BBS9: variants seen among roughly 807,000 people sequenced by gnomAD.
BBS9 encodes the protein Bardet-Biedl syndrome 9.
A neutral mutation model predicts 117.7 loss-of-function variants in BBS9; 89 were observed. The ratio of observed to expected loss-of-function variants is 0.76; its 90% confidence interval spans 0.64 to 0.90. BBS9 has a LOEUF of 0.90. BBS9 is among the 40% of genes least tolerant of loss of function. The pLI, the probability that BBS9 is intolerant of heterozygous loss-of-function variation, is 0.00. For synonymous variants in BBS9, 379 were observed against 370.9 expected (o/e 1.02, Z -0.25); for missense variants, 982 against 1,042.2 (o/e 0.94, Z 0.80).
chr7:33,251,025 G>C (rs937978229), intron 5 of BBS9, among the ~76,000 whole-genome samples: 1 of 152,120 alleles, frequency 6.6e-6, no homozygotes, highest in African/African-American at 2.4e-5. Flanking sequence ...GGAAAGATGT[G>C]AGTCTTAGCT....
intron 17 of BBS9, among the ~76,000 whole-genome samples, chr7:33,373,937 T>C (rs1823327342): frequency 6.6e-6 from 1 of 152,162 alleles, no homozygotes; most frequent in Non-Finnish European, 1.5e-5. Flanking sequence ...ACAAAGTACC[T>C]GGAGAAAAAG....
At chr7:33,544,828 G>A (rs1853026490) in intron 21 of BBS9, among the ~76,000 whole-genome samples, 1 of 152,136 alleles carries the variant, frequency 6.6e-6, no homozygotes, top group African/African-American at 2.4e-5. Flanking sequence ...GGTGGGACTA[G>A]GTGTGTATGA....
intron 17 of BBS9, among the ~76,000 whole-genome samples, chr7:33,379,420 A>G (rs1824528964): frequency 6.6e-6 from 1 of 152,312 alleles, no homozygotes; most frequent in East Asian, 1.9e-4. Flanking sequence ...TATTTCATAT[A>G]TAAAGAATTT....
At chr7:33,339,955 G>T (rs979336788) in intron 10 of BBS9, among the ~76,000 whole-genome samples, 6 of 151,428 alleles carry the variant, frequency 4.0e-5, no homozygotes, top group Non-Finnish European at 5.9e-5. Flanking sequence ...TAAGTAGGTA[G>T]CCAATAGTTT....
intron 21 of BBS9, among the ~76,000 whole-genome samples, chr7:33,597,887 A>AC (rs888845354): frequency 1.4e-5 from 2 of 147,586 alleles, no homozygotes; most frequent in African/African-American, 2.6e-5. Context: ...AAAAAAAAAA[A>AC]CAAAACAAAA....
chr7:33,280,976 G>A (rs1452384550), intron 9 of BBS9, among the ~76,000 whole-genome samples: 3 of 82,734 alleles, frequency 3.6e-5, no homozygotes, highest in Non-Finnish European at 6.9e-5. Context: ...TTGCTATCCT[G>A]TATTTTAAGG....
intron 20 of BBS9, among the ~76,000 whole-genome samples, chr7:33,521,876 C>A (rs966753392): frequency 2.7e-5 from 4 of 148,826 alleles, no homozygotes; most frequent in African/African-American, 9.9e-5. Context: ...AGGTATATCT[C>A]CCAATGCTAT....
chr7:33,283,599 C>T (rs576820887), intron 9 of BBS9, among the ~76,000 whole-genome samples: 2 of 152,232 alleles, frequency 1.3e-5, no homozygotes, highest in East Asian at 1.9e-4. Context: ...TTTTATTTCA[C>T]TGATACAAGG....
chr7:33,373,510 C>G (rs1414462652), intron 17 of BBS9, among the ~76,000 whole-genome samples: 1 of 152,104 alleles, frequency 6.6e-6, no homozygotes, highest in Admixed American at 6.5e-5. Flanking sequence ...AAGTTTGGAG[C>G]ATTTTGGATT....
At chr7:33,544,915 G>A (rs1339972113) in intron 21 of BBS9, among the ~76,000 whole-genome samples, 2 of 152,066 alleles carry the variant, frequency 1.3e-5, no homozygotes, top group Non-Finnish European at 2.9e-5. Flanking sequence ...CACTAGAGTT[G>A]TGTACCTAGG....
chr7:33,528,425 G>A (rs887001209), intron 20 of BBS9, among the ~76,000 whole-genome samples: 4 of 151,658 alleles, frequency 2.6e-5, no homozygotes, highest in Admixed American at 6.6e-5. Context: ...GCATTTTGTG[G>A]TTTTTCCCTA....
At chr7:33,271,762 A>T (rs917177585) in intron 7 of BBS9, among the ~76,000 whole-genome samples, 1 of 152,202 alleles carries the variant, frequency 6.6e-6, no homozygotes, top group Non-Finnish European at 1.5e-5. Flanking sequence ...TAATAGTGGG[A>T]GACTTCAACA....
intron 19 of BBS9, among the ~76,000 whole-genome samples, chr7:33,485,574 G>T (rs1270083645): frequency 6.6e-6 from 1 of 152,072 alleles, no homozygotes; most frequent in East Asian, 1.9e-4. Flanking sequence ...TTCCCAAAGT[G>T]CTGGGATTAC....
intron 20 of BBS9, among the ~76,000 whole-genome samples, chr7:33,528,061 A>G (rs1849929066): frequency 6.6e-6 from 1 of 152,234 alleles, no homozygotes; most frequent in Admixed American, 6.5e-5. Context: ...ATTCCATACA[A>G]TATGATACAA....
chr7:33,222,914 C>G (rs558559801), intron 5 of BBS9, among the ~76,000 whole-genome samples: 380 of 150,788 alleles, frequency 2.5e-3, no homozygotes, highest in Non-Finnish European at 4.3e-3. Context: ...GATCACGCCA[C>G]TGTACTCCAG....
chr7:33,473,685 G>A (rs1841409557), intron 19 of BBS9, among the ~76,000 whole-genome samples: 1 of 152,078 alleles, frequency 6.6e-6, no homozygotes, highest in African/African-American at 2.4e-5. Flanking sequence ...TATTTGCATG[G>A]TAAATTACAG....
chr7:33,582,402 C>G (rs115803244), intron 21 of BBS9, among the ~76,000 whole-genome samples: 7 of 151,894 alleles, frequency 4.6e-5, no homozygotes, highest in African/African-American at 1.7e-4. Flanking sequence ...AAGTGAAGGC[C>G]AGGACAGGTT....
intron 5 of BBS9, among the ~76,000 whole-genome samples, chr7:33,240,364 C>T (rs1794286513): frequency 6.6e-6 from 1 of 151,378 alleles, no homozygotes; most frequent in Non-Finnish European, 1.5e-5. Context: ...CTCAACTGAT[C>T]CTCGCACCTT....
At chr7:33,324,100 A>G (rs34559711) in intron 9 of BBS9, among the ~76,000 whole-genome samples, 5,592 of 151,842 alleles carry the variant, frequency 0.037, 150 homozygotes, top group Middle Eastern at 0.082. Flanking sequence ...GGGATCCCAA[A>G]GTGTTGGGAT....
Sources: allele counts gnomAD v4.1 joint callset (sites outside exome capture counted in the v4.1 genomes callset), GRCh38; gene constraint gnomAD v4.1.1; transcripts MANE v1.5; gene names NCBI Gene and HGNC (gene_info 2026-07-23, HGNC 2026-07-21).